PSD: variants seen among roughly 807,000 people sequenced by gnomAD.
The protein encoded by PSD is pleckstrin and Sec7 domain containing, also known as PH and SEC7 domain-containing protein 1.
PSD carries 32 observed loss-of-function variants against 91.6 expected under a neutral mutation model. The ratio of observed to expected loss-of-function variants is 0.35; its 90% CI spans 0.26 to 0.47. PSD has a LOEUF of 0.47. PSD is among the 20% of genes least tolerant of loss of function. The pLI, the probability that PSD is intolerant of heterozygous loss-of-function variation, is 1.00. For synonymous variants in PSD, 532 were observed against 569.3 expected (o/e 0.93, Z 0.93); for missense variants, 1,099 against 1,373.9 (o/e 0.80, Z 3.16).
chr10:102,405,606 C>T lies in PSD; in HGVS notation c.2136-70G>A. ...GCCCCCGCTTCAGTTCTGGCCTCTG[C>T]TCGCCCTGGAAAAGCTCCCCCAGTG... On this transcript the variant is annotated intron_variant, in intron 11 of 16. Transcript: ENST00000020673. This position sits in a 1 kb window ranked among gnomAD's most constrained non-coding sequence, Gnocchi z 5.4. 6.9e-7 allele frequency: 1 copy of T among 1,455,982 alleles called. No homozygotes were observed. The highest frequency in any genetic ancestry group is 1.3e-5 in the South Asian group (1 of 78,598). 90.2% of individuals were successfully genotyped at this position (1,455,982 alleles called of 1,614,324 possible). A position where few individuals can be genotyped will look rare whatever the true frequency, so the allele number is the denominator to read the frequency against.
upstream of PSD, chr10:102,419,651 C>T (rs887812110): frequency 6.4e-6 from 1 of 156,622 alleles, no homozygotes; most frequent in South Asian, 1.5e-4. This position sits in a 1 kb window ranked among gnomAD's most constrained non-coding sequence, Gnocchi z 4.8. Flanking sequence ...GCGCGCGGGG[C>T]TCACCGCGGG....
Position 102,404,517 on chromosome 10 carries a change from A to ACCCTAACACC in PSD, c.2700+65_2700+66insGGTGTTAGGG. 1 of 1,543,726 alleles carries ACCCTAACACC rather than the reference A, an allele frequency of 6.5e-7. No individual in the cohort carries two copies. The highest frequency in any genetic ancestry group is 8.8e-7 in the Non-Finnish European group (1 of 1,140,280). ...TCCACGATCACACGCAGCAGCCTTG[A>ACCCTAACACC]GTGCAGTGGGCCTGAGCCTAACACC... is the stretch of plus-strand genomic sequence containing the variant. On this transcript the variant is annotated intron_variant, in intron 15 of 16. Transcript: ENST00000020673. The surrounding 1 kb of genome is among the most constrained non-coding windows in gnomAD (Gnocchi z 5.7).
Position 102,416,452 on chromosome 10 carries a change from A to T in PSD, c.587T>A (p.Leu196Gln). The change falls in exon 2 of 17, where the codon CTG becomes CAG. Residue 196 changes from leucine (L) to glutamine (Q), a missense_variant. By Grantham distance (113) the Leu-to-Gln change is moderately radical. This residue lies in a region of PSD where 631 missense variants were observed against 728.8 expected (regional missense o/e 0.87). Coordinates refer to ENST00000020673, the MANE Select transcript of PSD (RefSeq NM_002779.5). The surrounding 1 kb of genome is among the most constrained non-coding windows in gnomAD (Gnocchi z 6.0). ...DGLYSSLPNG[L>Q]GGPPERLATL... is the part of the protein sequence containing the mutation. ...GGCCAGGCGCTCAGGGGGGCCCCCC[A>T]GCCCATTGGGGAGAGAGGAGTAAAG... The T allele has an allele frequency of 6.2e-7, 1 of 1,612,950 alleles. No homozygotes were observed. The highest frequency in any genetic ancestry group is 8.5e-7 in the Non-Finnish European group (1 of 1,179,528).
Position 102,418,743 on chromosome 10 carries a change from G to A in PSD, c.-126C>T, listed in dbSNP as rs1232989164. ...TGAGACCGAGGAGAGACAGAGGAGA[G>A]GCTGGGCCCAGCTGAGCTGTGAAGG... On this transcript the variant is annotated 5_prime_UTR_variant, in exon 1 of 17. Coordinates refer to ENST00000020673, the MANE Select transcript of PSD (RefSeq NM_002779.5). The A allele has an allele frequency of 2.2e-6, 1 of 455,856 alleles. No homozygotes were observed. The highest frequency in any genetic ancestry group is 4.4e-6 in the Non-Finnish European group (1 of 226,696). 28.2% of individuals were successfully genotyped at this position (455,856 alleles called of 1,614,324 possible).
chr10:102,406,278 T>C (rs1171233198), intron 11 of PSD: 1 of 152,296 alleles, frequency 6.6e-6, no homozygotes, highest in Non-Finnish European at 1.5e-5. Flanking sequence ...CCCTGCACCC[T>C]AATCCTGAGC....
intron 1 of PSD, among the ~76,000 whole-genome samples, chr10:102,418,425 A>G (rs1478026946): frequency 6.6e-6 from 1 of 152,068 alleles, no homozygotes; most frequent in Admixed American, 6.6e-5. Flanking sequence ...ACAGATGTAC[A>G]CACTCAAGCA....
chr10:102,408,858 C>T (rs1056731398), intron 10 of PSD: 45 of 985,940 alleles, frequency 4.6e-5, no homozygotes, highest in Non-Finnish European at 5.1e-5. Flanking sequence ...TCGGTCGCCC[C>T]GCAACCTGGC....
Position 102,404,595 on chromosome 10 carries a change from G to A in PSD, c.2688C>T (p.Thr896=). ...FSRPLLPSAA[T]RLSQEEQVRT... ...GAGCTTGGGCTACCTGGGAGAGGCGGGTGGCAGCGCTGGGCAGGAGAGGGC... is the reference window on the plus strand; with the variant it reads ...GAGCTTGGGCTACCTGGGAGAGGCGAGTGGCAGCGCTGGGCAGGAGAGGGC... Residue 896 remains threonine (T), a synonymous_variant, in exon 15 of 17, where the codon ACC becomes ACT. Coordinates refer to ENST00000020673, the MANE Select transcript of PSD (RefSeq NM_002779.5). This position sits in a 1 kb window ranked among gnomAD's most constrained non-coding sequence, Gnocchi z 5.7. 1 of 1,611,010 alleles carries A rather than the reference G, an allele frequency of 6.2e-7. No individual in the cohort carries two copies. The highest frequency in any genetic ancestry group is 8.5e-7 in the Non-Finnish European group (1 of 1,178,304).
At position 102,416,488 on chromosome 10, in the gene PSD, C is replaced by G. The variant is rs992461903; in HGVS notation, c.551G>C (p.Gly184Ala). The G allele has an allele frequency of 1.5e-5, 24 of 1,613,566 alleles. No individual in the cohort carries two copies. Among genetic ancestry groups the G allele is most frequent in the Non-Finnish European group, 1.9e-5 (23 of 1,179,780 alleles). Residue 184 changes from glycine to alanine, a missense_variant, in exon 2 of 17, where the codon GGA becomes GCA. Gly to Ala is a moderately conservative substitution (Grantham distance 60). Transcript: ENST00000020673. This position sits in a 1 kb window ranked among gnomAD's most constrained non-coding sequence, Gnocchi z 6.0. ...GAGAGAGGAGTAAAGGCCATCTGCT[C>G]CAACCTGGGGTGGGGCTGGCGGCCC... ...VHGPPAPPQV[G>A]ADGLYSSLPN...
rs142122592 is a variant in PSD at position 102,402,963 on chromosome 10, G to A, written c.*237C>T. The A allele has an allele frequency of 2.5e-3, 115 of 46,734 alleles. 2 individuals carry two copies. In the East Asian group the frequency reaches 0.045, roughly 18 times the overall value. 2.9% of individuals were successfully genotyped at this position (46,734 alleles called of 1,614,324 possible). ...AGGGGCGCTAGCCCCTCCCGCCCCC[G>A]CCCACCCTGTACGAAAAAGTGCAAA... On this transcript the variant is annotated 3_prime_UTR_variant, in exon 17 of 17. Coordinates refer to ENST00000020673, the MANE Select transcript of PSD (RefSeq NM_002779.5).
At position 102,405,513 on chromosome 10, in the gene PSD, G is replaced by A; in HGVS notation, c.2159C>T (p.Ser720Phe). The A allele has an allele frequency of 1.2e-6, 2 of 1,613,736 alleles. No individual in the cohort carries two copies. Among genetic ancestry groups the A allele is most frequent in the Non-Finnish European group, 1.7e-6 (2 of 1,179,894 alleles). The change falls in exon 12 of 17, where the codon TCT becomes TTT. Residue 720 changes from serine to phenylalanine, a missense_variant. By Grantham distance (155) the Ser-to-Phe change is radical. Around this residue, in one of 3 missense-constraint regions of PSD, gnomAD observed 358 missense variants for 426.5 expected, o/e 0.84. Coordinates refer to ENST00000020673, the MANE Select transcript of PSD (RefSeq NM_002779.5). This position sits in a 1 kb window ranked among gnomAD's most constrained non-coding sequence, Gnocchi z 5.4. ...WAIDEEELRR[S>F]LSELADPNPK... Reference sequence around the variant, plus strand: ...GTTGGGGTCGGCCAACTCAGACAGAGAGCGTCTCAGCTCCTCCTCGTCTCT... The same window carrying A: ...GTTGGGGTCGGCCAACTCAGACAGAAAGCGTCTCAGCTCCTCCTCGTCTCT...
intron 5 of PSD, 92 bp from the exon 6 acceptor site, chr10:102,412,667 G>A: frequency 2.6e-6 from 3 of 1,160,508 alleles, no homozygotes; most frequent in South Asian, 3.0e-5. Flanking sequence ...AGATGGAGAA[G>A]GGGAGGGAGT....
Position 102,412,433 on chromosome 10 carries a change from A to G in PSD, c.1696T>C (p.Tyr566His), listed in dbSNP as rs748725538. ...EAAQRLAKRL[Y>H]RLDGFRKADV... Reference sequence around the variant, plus strand: ...GCCTTCCTGAAGCCATCTAGTCGGTACAGCCTCTTGGCCAGGCGCTGCGCA... The same window carrying G: ...GCCTTCCTGAAGCCATCTAGTCGGTGCAGCCTCTTGGCCAGGCGCTGCGCA... The change falls in exon 6 of 17, where the codon TAC becomes CAC. Residue 566 changes from tyrosine (Y) to histidine (H), a missense_variant. Physicochemically the swap from Tyr to His is moderately conservative, Grantham distance 83. Around this residue, in one of 3 missense-constraint regions of PSD, gnomAD observed 110 missense variants for 218.7 expected, o/e 0.50. Transcript: ENST00000020673. The G allele has an allele frequency of 6.2e-7, 1 of 1,614,056 alleles. No homozygotes were observed.
In PSD at chr10:102,416,715, C is replaced by T. The variant is rs1256017493; in HGVS notation, c.324G>A (p.Lys108=). Reference sequence around the variant, plus strand: ...GCCCATTCAGTGGCCTCACACTGGCCTTCTCCACAAAGCGGAAGATGACCA... The same window carrying T: ...GCCCATTCAGTGGCCTCACACTGGCTTTCTCCACAAAGCGGAAGATGACCA... ...SSVVIFRFVE[K]ASVRPLNGLP... is the part of the protein sequence containing the mutation. Residue 108 remains lysine (K), a synonymous_variant, in exon 2 of 17, where the codon AAG becomes AAA. Transcript: ENST00000020673. This position sits in a 1 kb window ranked among gnomAD's most constrained non-coding sequence, Gnocchi z 6.0. 1 of 1,599,720 alleles carries T rather than the reference C, an allele frequency of 6.3e-7. No individual in the cohort carries two copies. The highest frequency in any genetic ancestry group is 1.7e-5 in the Admixed American group (1 of 57,850).
chr10:102,413,691 C>T lies in PSD; in HGVS notation c.1553+78G>A. 5 of 1,421,410 alleles carry T rather than the reference C, an allele frequency of 3.5e-6. No homozygotes were observed. The highest frequency in any genetic ancestry group is 4.8e-6 in the Non-Finnish European group (5 of 1,042,874). The allele number at this position is 1,421,410 out of a possible 1,614,324, so 88.0% of individuals were successfully genotyped here. ...TCAGGAATATAAACCAATCCTCACACTCAGGATCTGTCCCTTACAGCAGCT... is the reference window on the plus strand; with the variant it reads ...TCAGGAATATAAACCAATCCTCACATTCAGGATCTGTCCCTTACAGCAGCT... On this transcript the variant is annotated intron_variant, in intron 5 of 16. Coordinates refer to ENST00000020673, the MANE Select transcript of PSD (RefSeq NM_002779.5).
Position 102,416,371 on chromosome 10 carries a change from G to C in PSD, c.654+14C>G. 6.3e-7 allele frequency: 1 copy of C among 1,587,524 alleles called. No homozygotes were observed. Among genetic ancestry groups the C allele is most frequent in the Non-Finnish European group, 8.6e-7 (1 of 1,167,658 alleles). On this transcript the variant is annotated intron_variant, in intron 2 of 16. Transcript: ENST00000020673. This position sits in a 1 kb window ranked among gnomAD's most constrained non-coding sequence, Gnocchi z 6.0. ...TTCACTGGGGGCCCAGGGAGCCCAG[G>C]GGAAGTTGCATACCTGGTTCAGGAA...
Position 102,417,049 on chromosome 10 carries a change from G to A in PSD, c.-11C>T, listed in dbSNP as rs1160094647. 12 of 1,538,830 alleles carry A rather than the reference G, an allele frequency of 7.8e-6. No homozygotes were observed. The highest frequency in any genetic ancestry group is 9.6e-6 in the Non-Finnish European group (11 of 1,148,852). On this transcript the variant is annotated 5_prime_UTR_variant, in exon 2 of 17. Coordinates refer to ENST00000020673, the MANE Select transcript of PSD (RefSeq NM_002779.5). ...GGCACCCTGGGCCATGCTGGGGCCGGGGGTCAGGCTGGGGGGGCAGGGATG... is the reference window on the plus strand; with the variant it reads ...GGCACCCTGGGCCATGCTGGGGCCGAGGGTCAGGCTGGGGGGGCAGGGATG...
In PSD at chr10:102,414,415, C is replaced by G. The variant is rs2061454752; in HGVS notation, c.1125-218G>C. Among the ~76,000 whole-genome samples the G allele has an allele frequency of 6.6e-6, 1 of 152,172 alleles. No homozygotes were observed. Among genetic ancestry groups the G allele is most frequent in the Non-Finnish European group, 1.5e-5 (1 of 68,012 alleles). Reference sequence around the variant, plus strand: ...CCAGTCCCCAGCACCCCATCCCCTCCCTCCCTGCTAATCTCCCTTTCTCCT... The same window carrying G: ...CCAGTCCCCAGCACCCCATCCCCTCGCTCCCTGCTAATCTCCCTTTCTCCT... On this transcript the variant is annotated intron_variant, in intron 4 of 16. Coordinates refer to ENST00000020673, the MANE Select transcript of PSD (RefSeq NM_002779.5). The surrounding 1 kb of genome is among the most constrained non-coding windows in gnomAD (Gnocchi z 5.6).
rs2061352549 is a variant in PSD, at chr10:102,405,656, G to A, written c.2136-120C>T. Reference sequence around the variant, plus strand: ...GTTTGTGGCTTGGGGGGCTCAACCTGAGGGTCCTGCCATGTCTCCCGTCTC... The same window carrying A: ...GTTTGTGGCTTGGGGGGCTCAACCTAAGGGTCCTGCCATGTCTCCCGTCTC... On this transcript the variant is annotated intron_variant, in intron 11 of 16. Transcript: ENST00000020673. The surrounding 1 kb of genome is among the most constrained non-coding windows in gnomAD (Gnocchi z 5.4). 8 of 910,998 alleles carry A rather than the reference G, an allele frequency of 8.8e-6. No homozygotes were observed. The East Asian group carries it at 1.9e-4, about 21-fold the overall frequency. 56.4% of individuals were successfully genotyped at this position (910,998 alleles called of 1,614,324 possible).
Sources: allele counts gnomAD v4.1 joint callset (sites outside exome capture counted in the v4.1 genomes callset), GRCh38; gene constraint gnomAD v4.1.1; regional missense constraint gnomAD v4.1.1; non-coding constraint Gnocchi (gnomAD v3.1); transcripts MANE v1.5; gene names NCBI Gene and HGNC (gene_info 2026-07-23, HGNC 2026-07-21).